CELF3: variants seen among roughly 807,000 people sequenced by gnomAD.
CELF3 encodes CUGBP Elav-like family member 3.
In CELF3, 26 loss-of-function variants were observed where a neutral mutation model predicts 59.6. That is an observed-to-expected ratio of 0.44 (90% CI 0.32 to 0.61). The LOEUF is 0.61. Among genes scored for constraint, CELF3 ranks in the 20% least tolerant of loss-of-function variants. The probability of loss-of-function intolerance (pLI) is 0.06; values close to 1 mark genes in which losing one functional copy is unlikely to be tolerated. For missense variants in CELF3, 387 were observed against 627.2 expected (o/e 0.62, Z 4.09); for synonymous variants, 245 against 250.7 (o/e 0.98, Z 0.22).
In CELF3 at chr1:151,705,280, G is replaced by A. The variant is rs112927003; in HGVS notation, c.1271-112C>T. On this transcript the variant is annotated intron_variant, in intron 11 of 12. Coordinates refer to ENST00000290583, the MANE Select transcript of CELF3 (RefSeq NM_007185.7). This position sits in a 1 kb window ranked among gnomAD's most constrained non-coding sequence, Gnocchi z 5.1. ...AAGTGTCCCAAATGCCTAGAAAGCT[G>A]CCTGCCACATAGCAGCATTCCTTAG... is the stretch of plus-strand genomic sequence containing the variant. 8.2e-7 allele frequency: 1 copy of A among 1,221,102 alleles called. No homozygotes were observed. The highest frequency in any genetic ancestry group is 2.4e-5 in the East Asian group (1 of 41,276). The allele number at this position is 1,221,102 out of a possible 1,614,324, so 75.6% of individuals were successfully genotyped here. A position where few individuals can be genotyped will look rare whatever the true frequency, so the allele number is the denominator to read the frequency against.
Position 151,700,353 on chromosome 1 carries a change from A to T in CELF3, c.*3106T>A, listed in dbSNP as rs1671991382. ...TTTTAGTGTGAGAAGGATTTCAACA[A>T]GAAGGCATTCAACAAACATTTATTG... is the stretch of plus-strand genomic sequence containing the variant. On this transcript the variant is annotated 3_prime_UTR_variant, in exon 13 of 13. Transcript: ENST00000290583. Among the ~76,000 whole-genome samples, 2 of 152,216 alleles carry T rather than the reference A, an allele frequency of 1.3e-5. No individual in the cohort carries two copies. The highest frequency in any genetic ancestry group is 1.3e-4 in the Admixed American group (2 of 15,278).
rs1672179455 is a variant in CELF3 at position 151,702,802 on chromosome 1, A to G, written c.*657T>C. The G allele has an allele frequency of 5.0e-6, 1 of 200,370 alleles. No homozygotes were observed. Among genetic ancestry groups the G allele is most frequent in the Admixed American group, 5.2e-5 (1 of 19,392 alleles). The allele number at this position is 200,370 out of a possible 1,614,324, so 12.4% of individuals were successfully genotyped here. A position where few individuals can be genotyped will look rare whatever the true frequency, so the allele number is the denominator to read the frequency against. ...GAGGGAACCAGCAGAGACTGTAAAC[A>G]TTTTTAGGGGTTCAGGGGAAGGTCT... On this transcript the variant is annotated 3_prime_UTR_variant, in exon 13 of 13. Transcript: ENST00000290583.
chr1:151,705,119 G>T lies in CELF3; in HGVS notation c.1320C>A (p.Ala440=). 5.6e-6 allele frequency: 9 copies of T among 1,613,988 alleles called. No homozygotes were observed. Among genetic ancestry groups the T allele is most frequent in the Non-Finnish European group, 7.6e-6 (9 of 1,179,880 alleles). ...TCATGCCGATCTGGAAGCCATTCAT[G>T]GCCTGGATGGCAGCCTGGGCACTGG... is the stretch of plus-strand genomic sequence containing the variant. ...NPASAQAAIQ[A]MNGFQIGMKR... Residue 440 remains alanine (A), a synonymous_variant, in exon 12 of 13, where the codon GCC becomes GCA. Transcript: ENST00000290583. This position sits in a 1 kb window ranked among gnomAD's most constrained non-coding sequence, Gnocchi z 5.1.
At position 151,705,740 on chromosome 1, in the gene CELF3, T is replaced by C; in HGVS notation, c.1270+82A>G. 1 of 1,465,798 alleles carries C rather than the reference T, an allele frequency of 6.8e-7. No homozygotes were observed. The highest frequency in any genetic ancestry group is 9.4e-7 in the Non-Finnish European group (1 of 1,065,612). 90.8% of individuals were successfully genotyped at this position (1,465,798 alleles called of 1,614,324 possible). On this transcript the variant is annotated intron_variant, in intron 11 of 12. Transcript: ENST00000290583. The surrounding 1 kb of genome is among the most constrained non-coding windows in gnomAD (Gnocchi z 5.1). ...TCAGTATTTCAAATACTGGGTCCAC[T>C]GTGACCATAAATGCCTTCAAATATA... is the stretch of plus-strand genomic sequence containing the variant.
chr1:151,709,146 G>C lies in CELF3; in HGVS notation c.407-69C>G. The stretch of plus-strand genomic sequence containing the variant: ...CCTGCGGGACCCCGCGGTGGAACCC[G>C]ATGCCTAGGGAGTCTTGGGGGTGGA... On this transcript the variant is annotated intron_variant, in intron 4 of 12. Transcript: ENST00000290583. This position sits in a 1 kb window ranked among gnomAD's most constrained non-coding sequence, Gnocchi z 4.9. 6.2e-7 allele frequency: 1 copy of C among 1,605,412 alleles called. No homozygotes were observed. The highest frequency in any genetic ancestry group is 1.1e-5 in the South Asian group (1 of 90,672).
intron 5 of CELF3, among the ~76,000 whole-genome samples, chr1:151,708,677 G>A (rs746995726): frequency 8.6e-5 from 13 of 151,884 alleles, no homozygotes; most frequent in Non-Finnish European, 1.8e-4. Flanking sequence ...GTGTCCTGGC[G>A]CCCCAGCAAA....
At position 151,709,844 on chromosome 1, in the gene CELF3, A is replaced by G; in HGVS notation, c.229-53T>C. On this transcript the variant is annotated intron_variant, in intron 2 of 12. Coordinates refer to ENST00000290583, the MANE Select transcript of CELF3 (RefSeq NM_007185.7). This position sits in a 1 kb window ranked among gnomAD's most constrained non-coding sequence, Gnocchi z 4.9. The stretch of plus-strand genomic sequence containing the variant: ...TGGGGACCTCCTCTGAACACCCAAG[A>G]GCCCTCCCAGGCCAGGCCCTGCAGA... The G allele has an allele frequency of 6.4e-7, 1 of 1,568,378 alleles. No individual in the cohort carries two copies. The highest frequency in any genetic ancestry group is 8.8e-7 in the Non-Finnish European group (1 of 1,138,268).
In CELF3 at chr1:151,709,282, A is replaced by G. The variant is rs1204063036; in HGVS notation, c.344T>C (p.Phe115Ser). The change falls in exon 4 of 13, where the codon TTT (phenylalanine) becomes TCT (serine). Residue 115 changes from phenylalanine to serine, a missense_variant. Around this residue, in one of 3 missense-constraint regions of CELF3, gnomAD observed 208 missense variants for 354.8 expected, o/e 0.59. Transcript: ENST00000290583. The surrounding 1 kb of genome is among the most constrained non-coding windows in gnomAD (Gnocchi z 4.9). Reference protein sequence around the residue: ...QQTDEDVRKMFEPFGTIDECT... With the variant: ...QQTDEDVRKMSEPFGTIDECT... ...CTCGTCGATGGTCCCGAAGGGCTCAAACATCTTCCGGACGTCCTCATCTGT... is the reference window on the plus strand; with the variant it reads ...CTCGTCGATGGTCCCGAAGGGCTCAGACATCTTCCGGACGTCCTCATCTGT... The G allele has an allele frequency of 6.2e-7, 1 of 1,614,020 alleles. No individual in the cohort carries two copies. The highest frequency in any genetic ancestry group is 8.5e-7 in the Non-Finnish European group (1 of 1,179,946).
intron 5 of CELF3, 51 bp from the exon 6 acceptor site, chr1:151,707,986 TC>T: frequency 6.4e-7 from 1 of 1,559,242 alleles, no homozygotes; most frequent in Non-Finnish European, 8.7e-7. Context: ...GGGTCTCTCC[TC>T]CCCAAAGCCC....
Position 151,707,393 on chromosome 1 carries a change from C to T in CELF3, c.773-99G>A, listed in dbSNP as rs1381080455. 4.1e-5 allele frequency: 63 copies of T among 1,532,442 alleles called. 2 individuals carry two copies. The South Asian group carries it at 5.7e-4, about 14-fold the overall frequency. The allele number at this position is 1,532,442 out of a possible 1,614,324, so 94.9% of individuals were successfully genotyped here. On this transcript the variant is annotated intron_variant, in intron 7 of 12. Coordinates refer to ENST00000290583, the MANE Select transcript of CELF3 (RefSeq NM_007185.7). ...CTGTGGGCAGAGGGGAGGAAGCAGG[C>T]CTCTCTGACCCCTGAGTCCCTCCCA...
chr1:151,712,788 G>A (rs1019040297), intron 2 of CELF3, among the ~76,000 whole-genome samples: 11 of 152,208 alleles, frequency 7.2e-5, no homozygotes, highest in African/African-American at 2.7e-4. Context: ...GGGGAGCAAG[G>A]AGAGGGGGCT....
Position 151,706,352 on chromosome 1 carries a change from G to T in CELF3, c.998C>A (p.Pro333Gln). ...AGMQHYTAAYPAAYSLVAPAF... is the reference protein window; with the variant it reads ...AGMQHYTAAYQAAYSLVAPAF... ...AGGTGCAACCAGGCTGTAGGCTGCT[G>T]GGTAGGCTGCTGGGGTGGGGAGAAG... Residue 333 changes from proline (P) to glutamine (Q), a missense_variant, in exon 10 of 13, where the codon CCA becomes CAA. Physicochemically the swap from Pro to Gln is moderately conservative, Grantham distance 76. Around this residue, in one of 3 missense-constraint regions of CELF3, gnomAD observed 131 missense variants for 153.7 expected, o/e 0.85. Coordinates refer to ENST00000290583, the MANE Select transcript of CELF3 (RefSeq NM_007185.7). The T allele has an allele frequency of 6.5e-7, 1 of 1,549,224 alleles. No individual in the cohort carries two copies. Among genetic ancestry groups the T allele is most frequent in the East Asian group, 2.4e-5 (1 of 40,920 alleles).
At position 151,700,468 on chromosome 1, in the gene CELF3, C is replaced by G. The variant is rs1243382373; in HGVS notation, c.*2991G>C. Among the ~76,000 whole-genome samples, 2 of 152,122 alleles carry G rather than the reference C, an allele frequency of 1.3e-5. No individual in the cohort carries two copies. The highest frequency in any genetic ancestry group is 2.4e-5 in the African/African-American group (1 of 41,422). Reference sequence around the variant, plus strand: ...CTTGCCTAGAGAACAATGAATAGTTCTATTTGGGTATGTGTAGGAATGAAG... The same window carrying G: ...CTTGCCTAGAGAACAATGAATAGTTGTATTTGGGTATGTGTAGGAATGAAG... On this transcript the variant is annotated 3_prime_UTR_variant, in exon 13 of 13. Transcript: ENST00000290583.
intron 10 of CELF3, 105 bp from the exon 11 acceptor site, chr1:151,706,070 C>T: frequency 6.3e-6 from 10 of 1,586,068 alleles, no homozygotes; most frequent in South Asian, 1.1e-5. Context: ...CCTCCAGTCC[C>T]AGTCCTTGAC....
Position 151,705,741 on chromosome 1 carries a change from G to T in CELF3, c.1270+81C>A. The T allele has an allele frequency of 6.8e-7, 1 of 1,467,624 alleles. No homozygotes were observed. Among genetic ancestry groups the T allele is most frequent in the Non-Finnish European group, 9.4e-7 (1 of 1,067,144 alleles). The allele number at this position is 1,467,624 out of a possible 1,614,324, so 90.9% of individuals were successfully genotyped here. ...CAGTATTTCAAATACTGGGTCCACT[G>T]TGACCATAAATGCCTTCAAATATAT... On this transcript the variant is annotated intron_variant, in intron 11 of 12. Coordinates refer to ENST00000290583, the MANE Select transcript of CELF3 (RefSeq NM_007185.7). This position sits in a 1 kb window ranked among gnomAD's most constrained non-coding sequence, Gnocchi z 5.1.
intron 2 of CELF3, chr1:151,711,832 T>C (rs1342464209): frequency 6.6e-6 from 1 of 152,246 alleles, no homozygotes; most frequent in Non-Finnish European, 1.5e-5. Context: ...GGATTTGCTG[T>C]TCTAGATGGA....
chr1:151,705,290 T>G lies in CELF3; in HGVS notation c.1271-122A>C. On this transcript the variant is annotated intron_variant, in intron 11 of 12. Coordinates refer to ENST00000290583, the MANE Select transcript of CELF3 (RefSeq NM_007185.7). The surrounding 1 kb of genome is among the most constrained non-coding windows in gnomAD (Gnocchi z 5.1). ...AATGCCTAGAAAGCTGCCTGCCACA[T>G]AGCAGCATTCCTTAGGAATTTGTTG... 9.2e-7 allele frequency: 1 copy of G among 1,089,672 alleles called. No individual in the cohort carries two copies. Among genetic ancestry groups the G allele is most frequent in the Non-Finnish European group, 1.3e-6 (1 of 764,772 alleles). The allele number at this position is 1,089,672 out of a possible 1,614,324, so 67.5% of individuals were successfully genotyped here.
rs767135072 is a variant in CELF3 at position 151,706,252 on chromosome 1, C to T, written c.1098G>A (p.Gln366=). 31 of 1,584,054 alleles carry T rather than the reference C, an allele frequency of 2.0e-5. No homozygotes were observed. Among genetic ancestry groups the T allele is most frequent in the Non-Finnish European group, 2.4e-5 (28 of 1,165,064 alleles). The change falls in exon 10 of 13, where the codon CAG becomes CAA. Residue 366 remains glutamine (Q), a synonymous_variant. Transcript: ENST00000290583. The part of the protein sequence containing the change: ...PPPQQQQQQQ[Q]QQQQQQQREG... ...CTCTTTGCTGCTGCTGCTGTTGCTGCTGCTGCTGCTGCTGCTGCTGTTGAG... is the reference window on the plus strand; with the variant it reads ...CTCTTTGCTGCTGCTGCTGTTGCTGTTGCTGCTGCTGCTGCTGCTGTTGAG...
intron 6 of CELF3, 42 bp downstream of exon 6, chr1:151,707,750 G>T (rs770599936): frequency 6.2e-7 from 1 of 1,606,542 alleles, no homozygotes; most frequent in Non-Finnish European, 8.5e-7. Context: ...GCAAGATACA[G>T]GGGGTCAGGA....
Sources: allele counts gnomAD v4.1 joint callset (sites outside exome capture counted in the v4.1 genomes callset), GRCh38; gene constraint gnomAD v4.1.1; regional missense constraint gnomAD v4.1.1; non-coding constraint Gnocchi (gnomAD v3.1); transcripts MANE v1.5; gene names NCBI Gene and HGNC (gene_info 2026-07-23, HGNC 2026-07-21).